MCTP1: variants seen among roughly 807,000 people sequenced by gnomAD.
The protein encoded by MCTP1 is multiple C2 and transmembrane domain-containing protein 1.
Under a neutral mutation model 120.6 loss-of-function variants are expected in MCTP1, and 69 were observed. That is an observed-to-expected ratio of 0.57 (90% confidence interval 0.47 to 0.70). MCTP1 has a LOEUF of 0.70. MCTP1 is among the 30% of genes least tolerant of loss of function. The pLI is 0.00. For synonymous variants in MCTP1, 529 were observed against 493.1 expected (o/e 1.07, Z -0.96); for missense variants, 1,203 against 1,248.8 (o/e 0.96, Z 0.55).
intron 2 of MCTP1, among the ~76,000 whole-genome samples, chr5:95,002,486 G>A (rs1833924731): frequency 6.6e-6 from 1 of 152,214 alleles, no homozygotes; most frequent in Non-Finnish European, 1.5e-5. Flanking sequence ...GGCTGTGGGA[G>A]CCCACCTCTT....
chr5:95,098,932 T>C (rs1460697317), intron 1 of MCTP1, among the ~76,000 whole-genome samples: 4 of 151,800 alleles, frequency 2.6e-5, no homozygotes, highest in Non-Finnish European at 4.4e-5. Context: ...AGATATAGAT[T>C]AATGGAACAG....
At chr5:95,109,877 T>C (rs897488326) in intron 1 of MCTP1, among the ~76,000 whole-genome samples, 4 of 152,054 alleles carry the variant, frequency 2.6e-5, no homozygotes, top group African/African-American at 7.2e-5. Flanking sequence ...CATTTCCTTT[T>C]AGAAGGGATA....
At chr5:94,816,602 CT>C in intron 17 of MCTP1, among the ~76,000 whole-genome samples, 1 of 152,058 alleles carries the variant, frequency 6.6e-6, no homozygotes, top group East Asian at 1.9e-4. Flanking sequence ...GATCATTTAA[CT>C]TTTTTCCCCT....
At chr5:94,911,493 T>C (rs997715828) in intron 9 of MCTP1, among the ~76,000 whole-genome samples, 2 of 152,188 alleles carry the variant, frequency 1.3e-5, no homozygotes, top group Non-Finnish European at 2.9e-5. Context: ...TCTGGTTGTT[T>C]AAAAGTGTGT....
chr5:95,164,001 G>A (rs1270343842), intron 1 of MCTP1, among the ~76,000 whole-genome samples: 2 of 151,886 alleles, frequency 1.3e-5, no homozygotes, highest in African/African-American at 4.8e-5. Context: ...TTCTCCAATT[G>A]GTAATTATTT....
chr5:94,729,675 G>C (rs766924378), intron 19 of MCTP1, among the ~76,000 whole-genome samples: 2 of 152,192 alleles, frequency 1.3e-5, no homozygotes, highest in Non-Finnish European at 2.9e-5. Flanking sequence ...CAGGAGAAGT[G>C]CACGTAGTAC....
chr5:95,153,730 G>A (rs993840623), intron 1 of MCTP1, among the ~76,000 whole-genome samples: 1 of 152,192 alleles, frequency 6.6e-6, no homozygotes, highest in Admixed American at 6.5e-5. Context: ...CTGTCTCCGA[G>A]GAGTGATCAA....
intron 17 of MCTP1, among the ~76,000 whole-genome samples, chr5:94,825,179 G>A (rs1015850619): frequency 1.1e-4 from 17 of 152,172 alleles, no homozygotes; most frequent in African/African-American, 4.1e-4. Context: ...GGCATTTAGT[G>A]CCATAAATTT....
At chr5:95,173,551 A>G (rs1275799065) in intron 1 of MCTP1, among the ~76,000 whole-genome samples, 1 of 152,224 alleles carries the variant, frequency 6.6e-6, no homozygotes, top group Non-Finnish European at 1.5e-5. Flanking sequence ...AAGGCATGCT[A>G]CATTCTGATC....
At chr5:94,842,454 T>TA (rs1023289541) in intron 17 of MCTP1, among the ~76,000 whole-genome samples, 1 of 152,188 alleles carries the variant, frequency 6.6e-6, no homozygotes, top group African/African-American at 2.4e-5. Flanking sequence ...TTGTGTCATC[T>TA]AAAAAACAAC....
At chr5:94,792,884 C>T (rs758506124) in intron 18 of MCTP1, 2 of 152,148 alleles carry the variant, frequency 1.3e-5, no homozygotes, top group African/African-American at 2.4e-5. Flanking sequence ...ATAGAGTTAC[C>T]AGATGAATAT....
intron 9 of MCTP1, 43 bp from the exon 10 acceptor site, chr5:94,909,424 T>TA (rs762419039): frequency 2.7e-5 from 42 of 1,558,888 alleles, no homozygotes; most frequent in East Asian, 6.9e-5. Context: ...AGCAGCTTTT[T>TA]AAAAAAAACT....
intron 19 of MCTP1, among the ~76,000 whole-genome samples, chr5:94,777,927 CGTGTGT>C (rs71615135): frequency 0.22 from 33,136 of 148,870 alleles, 4,307 homozygotes; most frequent in East Asian, 0.33. Context: ...AGAAAGTGTG[CGTGTGT>C]GTGTGTGTGT....
At chr5:94,884,780 A>G (rs541781917) in intron 12 of MCTP1, among the ~76,000 whole-genome samples, 4 of 152,194 alleles carry the variant, frequency 2.6e-5, no homozygotes, top group South Asian at 2.1e-4. Context: ...GTTATTTCTT[A>G]AGATAATAAG....
intron 2 of MCTP1, among the ~76,000 whole-genome samples, chr5:95,005,739 C>G (rs1314721472): frequency 6.7e-6 from 1 of 149,428 alleles, no homozygotes; most frequent in Non-Finnish European, 1.5e-5. Context: ...CCTGCAGAAC[C>G]ATGAGCCAAT....
rs293062 is a variant in MCTP1 at position 94,910,513 on chromosome 5, A to C, written c.1522-1132T>G. Reference sequence around the variant, plus strand: ...GTATGGCAGACAGATCTTCAGATGTAAAGTTTGAAAGCAATGAAGTATGTT... The same window carrying C: ...GTATGGCAGACAGATCTTCAGATGTCAAGTTTGAAAGCAATGAAGTATGTT... On this transcript the variant is annotated intron_variant, in intron 9 of 22. Coordinates refer to ENST00000515393, the MANE Select transcript of MCTP1 (RefSeq NM_024717.7). Among the ~76,000 whole-genome samples the C allele has an allele frequency of 9.2e-5, 14 of 152,276 alleles. No homozygotes were observed. In the East Asian group the frequency reaches 2.7e-3, roughly 29 times the overall value.
chr5:94,853,957 A>G (rs1209802828), intron 17 of MCTP1, among the ~76,000 whole-genome samples: 2 of 151,862 alleles, frequency 1.3e-5, no homozygotes, highest in African/African-American at 2.4e-5. Flanking sequence ...TGTGGTAGAC[A>G]CAGGCAGATG....
chr5:95,247,890 G>C (rs1288097837), intron 1 of MCTP1, among the ~76,000 whole-genome samples: 1 of 152,158 alleles, frequency 6.6e-6, no homozygotes, highest in Admixed American at 6.6e-5. Flanking sequence ...ATAGAGTTCT[G>C]TAGATATCTA....
At chr5:94,766,056 C>T (rs186786095) in intron 19 of MCTP1, among the ~76,000 whole-genome samples, 247 of 152,208 alleles carry the variant, frequency 1.6e-3, no homozygotes, top group African/African-American at 5.7e-3. Context: ...ACCAGCCCAG[C>T]CAACATGGCG....
Sources: gnomAD v4.1 joint callset for allele counts (sites outside exome capture counted in the v4.1 genomes callset) on GRCh38, gnomAD v4.1.1 for gene constraint, MANE v1.5 for transcripts, NCBI Gene and HGNC (gene_info 2026-07-23, HGNC 2026-07-21) for gene names.